The following SORBS2 variants were observed in gnomAD, a reference collection of about 807,000 sequenced individuals.
The protein encoded by SORBS2 is sorbin and SH3 domain containing 2.
Under a neutral mutation model 97.7 loss-of-function variants are expected in SORBS2, and 46 were observed. That is an observed-to-expected ratio of 0.47 (90% confidence interval 0.37 to 0.60). The LOEUF (loss-of-function observed/expected upper bound fraction) is 0.60, where lower values mean the gene tolerates loss of function less well. SORBS2 is among the 20% of genes least tolerant of loss of function. The probability of loss-of-function intolerance (pLI) is 0.00; values close to 1 mark genes in which losing one functional copy is unlikely to be tolerated. For synonymous variants in SORBS2, 476 were observed against 473.4 expected (o/e 1.01, Z -0.07); for missense variants, 1,316 against 1,282.3 (o/e 1.03, Z -0.40).
Position 185,879,169 on chromosome 4 carries a change from C to G in SORBS2, c.-338+77027G>C, listed in dbSNP as rs1382378165. Among the ~76,000 whole-genome samples the G allele has an allele frequency of 4.1e-4, 37 of 89,354 alleles. 1 individual carries two copies. The highest frequency in any genetic ancestry group is 7.9e-4 in the Non-Finnish European group (33 of 41,818). 58.6% of individuals were successfully genotyped at this position (89,354 alleles called of 152,430 possible). A position where few individuals can be genotyped will look rare whatever the true frequency, so the allele number is the denominator to read the frequency against. ...TATATCTCCTAATGCTATCCCTCCC[C>G]CCCCCCCACCCCACGACAGGCCCCG... On this transcript the variant is annotated intron_variant, in intron 1 of 20. Transcript: ENST00000284776.
chr4:185,823,847 C>G (rs2099198240), intron 1 of SORBS2, among the ~76,000 whole-genome samples: 1 of 152,138 alleles, frequency 6.6e-6, no homozygotes, highest in African/African-American at 2.4e-5. Context: ...ACAAGTCAGG[C>G]TGGTTTGTCT....
Position 185,707,306 on chromosome 4 carries a change from G to C in SORBS2, c.-197-28484C>G, listed in dbSNP as rs531051873. Among the ~76,000 whole-genome samples the C allele has an allele frequency of 2.0e-3, 300 of 152,260 alleles. 1 individual carries two copies. The highest frequency in any genetic ancestry group is 2.7e-3 in the Non-Finnish European group (185 of 68,008). ...TGGGAATGCAGGCAGTTTGGCTTCA[G>C]AGTTTTTGTACTATAATGTCTTTCT... On this transcript the variant is annotated intron_variant, in intron 2 of 20. Coordinates refer to the SORBS2 transcript ENST00000284776.
intron 2 of SORBS2, among the ~76,000 whole-genome samples, chr4:185,712,609 T>C (rs1395293098): frequency 2.0e-5 from 3 of 152,174 alleles, no homozygotes. Flanking sequence ...ACAGCAGAGC[T>C]AGAACAGCAC....
intron 1 of SORBS2, among the ~76,000 whole-genome samples, chr4:185,920,732 G>A (rs555234045): frequency 7.9e-5 from 12 of 152,278 alleles, no homozygotes; most frequent in African/African-American, 2.9e-4. Flanking sequence ...TAGGATTTTC[G>A]TAGACTGAAT....
At chr4:185,629,262 G>C (rs1311086168) in intron 5 of SORBS2, among the ~76,000 whole-genome samples, 1 of 152,092 alleles carries the variant, frequency 6.6e-6, no homozygotes, top group African/African-American at 2.4e-5. Context: ...GGGTCTGTGT[G>C]TCTTTACGGC....
chr4:185,936,220 C>T (rs542000059), intron 1 of SORBS2, among the ~76,000 whole-genome samples: 131 of 152,256 alleles, frequency 8.6e-4, no homozygotes, highest in Middle Eastern at 6.8e-3. Flanking sequence ...TTTAGTTGTG[C>T]GAAGAGAAGT....
At chr4:185,868,147 C>CTTTTTTCTTTTTTTTTTTTTTT (rs1554043746) in intron 1 of SORBS2, among the ~76,000 whole-genome samples, 4 of 89,764 alleles carry the variant, frequency 4.5e-5, no homozygotes, top group African/African-American at 4.8e-5. Flanking sequence ...CTTTTCTTTT[C>CTTTTTTCTTTTTTTTTTTTTTT]TTTTTTTCTT....
At chr4:185,620,308 T>C (rs1270783179) in intron 7 of SORBS2, among the ~76,000 whole-genome samples, 157 bp from the exon 20 acceptor site, 2 of 152,182 alleles carry the variant, frequency 1.3e-5, no homozygotes, top group Non-Finnish European at 2.9e-5. Flanking sequence ...CATTACAAAG[T>C]TGTGAAATAA....
At chr4:185,839,447 C>T (rs763687855) in intron 1 of SORBS2, among the ~76,000 whole-genome samples, 2 of 152,146 alleles carry the variant, frequency 1.3e-5, no homozygotes, top group African/African-American at 4.8e-5. Flanking sequence ...CCCCAGGGGT[C>T]GGTCCAGTAG....
chr4:185,598,489 T>C (rs2096173021), intron 12 of SORBS2, among the ~76,000 whole-genome samples: 1 of 152,234 alleles, frequency 6.6e-6, no homozygotes, highest in Non-Finnish European at 1.5e-5. Context: ...CCGATCTTAG[T>C]GAGCTACAGT....
At chr4:185,651,215 C>A (rs922887972) in intron 2 of SORBS2, among the ~76,000 whole-genome samples, 2 of 152,134 alleles carry the variant, frequency 1.3e-5, no homozygotes, top group Non-Finnish European at 2.9e-5. Flanking sequence ...GCCTGCAGAC[C>A]CCTGCACGAG....
intron 1 of SORBS2, among the ~76,000 whole-genome samples, chr4:185,899,308 G>A (rs2099246446): frequency 6.6e-6 from 1 of 152,210 alleles, no homozygotes; most frequent in Admixed American, 6.5e-5. Flanking sequence ...CGAAGAATTG[G>A]TGACTGTCAT....
intron 1 of SORBS2, among the ~76,000 whole-genome samples, chr4:185,805,028 T>G (rs895643959): frequency 6.6e-6 from 1 of 152,052 alleles, no homozygotes; most frequent in Non-Finnish European, 1.5e-5. Context: ...CAAAAGAAAA[T>G]TTTAACTCTT....
At chr4:185,717,198 A>T (rs2098472933) in intron 2 of SORBS2, among the ~76,000 whole-genome samples, 1 of 152,208 alleles carries the variant, frequency 6.6e-6, no homozygotes, top group Non-Finnish European at 1.5e-5. Flanking sequence ...CACAGCAGTG[A>T]TTCCCCGGGA....
chr4:185,714,186 A>G (rs976429447), intron 2 of SORBS2, among the ~76,000 whole-genome samples: 1 of 152,222 alleles, frequency 6.6e-6, no homozygotes, highest in African/African-American at 2.4e-5. Flanking sequence ...AAAATAATAC[A>G]TTTGCATTTT....
chr4:185,940,354 T>C (rs1215903867), intron 1 of SORBS2, among the ~76,000 whole-genome samples: 1 of 152,210 alleles, frequency 6.6e-6, no homozygotes, highest in Non-Finnish European at 1.5e-5. Flanking sequence ...CTCATAAATG[T>C]GCTTTTCCCT....
chr4:185,850,777 G>A (rs1168922103), intron 1 of SORBS2, among the ~76,000 whole-genome samples: 1 of 152,178 alleles, frequency 6.6e-6, no homozygotes, highest in Non-Finnish European at 1.5e-5. Flanking sequence ...TGATTTCTGA[G>A]TGTGTCTGTG....
intron 1 of SORBS2, among the ~76,000 whole-genome samples, chr4:185,834,061 C>T (rs2153674295): frequency 6.6e-6 from 1 of 152,240 alleles, no homozygotes; most frequent in South Asian, 2.1e-4. Context: ...GTTTAAACAG[C>T]CTTCAAATGT....
chr4:185,924,468 G>A (rs1257426457), intron 1 of SORBS2, among the ~76,000 whole-genome samples: 2 of 152,184 alleles, frequency 1.3e-5, no homozygotes, highest in Non-Finnish European at 2.9e-5. Flanking sequence ...AGCCCCCACC[G>A]GCAAGCTTTG....
Sources: gnomAD v4.1 joint callset for allele counts (sites outside exome capture counted in the v4.1 genomes callset) on GRCh38, gnomAD v4.1.1 for gene constraint, MANE v1.5 for transcripts, NCBI Gene and HGNC (gene_info 2026-07-23, HGNC 2026-07-21) for gene names.